MAN1A1: variants seen among roughly 807,000 people sequenced by gnomAD.
MAN1A1 encodes the protein mannosyl-oligosaccharide 1,2-alpha-mannosidase IA.
A neutral mutation model predicts 70.8 loss-of-function variants in MAN1A1; 29 were observed. The ratio of observed to expected loss-of-function variants is 0.41; its 90% CI spans 0.31 to 0.56. The LOEUF is 0.56. Among genes scored for constraint, MAN1A1 ranks in the 20% least tolerant of loss-of-function variants. The pLI is 0.29. For missense variants in MAN1A1, 747 were observed against 841.3 expected (o/e 0.89, Z 1.39); for synonymous variants, 349 against 330.1 (o/e 1.06, Z -0.62).
chr6:119,344,893 G>A (rs1353824095), intron 2 of MAN1A1, among the ~76,000 whole-genome samples: 1 of 152,130 alleles, frequency 6.6e-6, no homozygotes, highest in Non-Finnish European at 1.5e-5. Context: ...CTAAAGTCTT[G>A]TTTTAGAACT....
At chr6:119,237,400 C>T (rs1038835045) in intron 6 of MAN1A1, among the ~76,000 whole-genome samples, 2 of 152,112 alleles carry the variant, frequency 1.3e-5, no homozygotes, top group Non-Finnish European at 2.9e-5. Flanking sequence ...ATCCCTGGAC[C>T]ACACGGAACT....
At chr6:119,286,790 G>A (rs1393758581) in intron 5 of MAN1A1, among the ~76,000 whole-genome samples, 4 of 152,050 alleles carry the variant, frequency 2.6e-5, no homozygotes, top group African/African-American at 2.4e-5. Flanking sequence ...TCTAAATGTC[G>A]TCTCTTAGCT....
At chr6:119,226,028 T>G (rs4607463) in intron 6 of MAN1A1, among the ~76,000 whole-genome samples, 59,681 of 152,022 alleles carry the variant, frequency 0.39, 12,375 homozygotes, top group African/African-American at 0.47. Flanking sequence ...TATCTGAATT[T>G]TTTCGCAAAA....
At chr6:119,316,415 C>T (rs195049) in intron 2 of MAN1A1, among the ~76,000 whole-genome samples, 28,141 of 151,894 alleles carry the variant, frequency 0.19, 2,913 homozygotes, top group Middle Eastern at 0.31. Context: ...ATCTGCCCAC[C>T]TTGGCCTCCC....
chr6:119,185,629 T>G (rs1466731918), intron 11 of MAN1A1, among the ~76,000 whole-genome samples: 1 of 152,058 alleles, frequency 6.6e-6, no homozygotes, highest in Non-Finnish European at 1.5e-5. Context: ...CAGGTTCGAG[T>G]GCAGTGGCGT....
chr6:119,268,375 C>T (rs1011190376), intron 5 of MAN1A1, among the ~76,000 whole-genome samples: 1 of 152,108 alleles, frequency 6.6e-6, no homozygotes, highest in Admixed American at 6.5e-5. Context: ...ACACATCTTC[C>T]CAGTCTATGC....
intron 2 of MAN1A1, among the ~76,000 whole-genome samples, chr6:119,331,570 C>CATATATATATATATATATATATATAT (rs10562938): frequency 8.5e-6 from 1 of 117,972 alleles, no homozygotes; most frequent in Non-Finnish European, 1.8e-5. Flanking sequence ...ACATATTATG[C>CATATATATATATATATATATATATAT]ATATATATAT....
chr6:119,280,169 C>G (rs1388402158), intron 5 of MAN1A1, among the ~76,000 whole-genome samples: 1 of 152,188 alleles, frequency 6.6e-6, no homozygotes, highest in Non-Finnish European at 1.5e-5. Context: ...TCCATTCTTT[C>G]AATTATCATT....
At chr6:119,241,515 C>G (rs1438055324) in intron 6 of MAN1A1, among the ~76,000 whole-genome samples, 1 of 152,136 alleles carries the variant, frequency 6.6e-6, no homozygotes, top group Non-Finnish European at 1.5e-5. Flanking sequence ...TAGTAAATAC[C>G]TACAGAATCA....
At chr6:119,311,525 G>A (rs1163603512) in intron 2 of MAN1A1, among the ~76,000 whole-genome samples, 1 of 152,152 alleles carries the variant, frequency 6.6e-6, no homozygotes, top group Non-Finnish European at 1.5e-5. Context: ...CTGCTGTGTA[G>A]TGGGGGTTTG....
At chr6:119,196,624 A>G (rs916641209) in intron 8 of MAN1A1, among the ~76,000 whole-genome samples, 2 of 152,236 alleles carry the variant, frequency 1.3e-5, no homozygotes, top group African/African-American at 2.4e-5. Context: ...TCTTTTCTTC[A>G]TAAGAATAGG....
chr6:119,212,061 C>T (rs7743299), intron 6 of MAN1A1, among the ~76,000 whole-genome samples: 36,917 of 151,344 alleles, frequency 0.24, 5,982 homozygotes, highest in Non-Finnish European at 0.35. Context: ...AGGATGGTCT[C>T]GATCTCCCAA....
chr6:119,218,048 T>A (rs1266359837), intron 6 of MAN1A1, among the ~76,000 whole-genome samples: 1 of 152,212 alleles, frequency 6.6e-6, no homozygotes, highest in Non-Finnish European at 1.5e-5. Context: ...TCCTAATTTT[T>A]AAAAATTCTA....
chr6:119,218,768 ATGGCGTAC>A, intron 6 of MAN1A1, among the ~76,000 whole-genome samples: 1 of 152,328 alleles, frequency 6.6e-6, no homozygotes, highest in South Asian at 2.1e-4. Context: ...CCGCGCTGGG[ATGGCGTAC>A]TGGCCAGAGC....
intron 5 of MAN1A1, among the ~76,000 whole-genome samples, chr6:119,273,372 T>A (rs1003477406): frequency 5.3e-5 from 8 of 152,174 alleles, no homozygotes; most frequent in African/African-American, 1.9e-4. Context: ...GCTGAAATCA[T>A]ATCATACATG....
At chr6:119,347,529 A>G (rs138894661) in intron 2 of MAN1A1, among the ~76,000 whole-genome samples, 5 of 152,330 alleles carry the variant, frequency 3.3e-5, no homozygotes, top group Admixed American at 2.6e-4. Context: ...ACAGGGAAGT[A>G]GCTCAGAGAG....
At chr6:119,190,212 T>C (rs948104951) in intron 9 of MAN1A1, among the ~76,000 whole-genome samples, 1 of 152,208 alleles carries the variant, frequency 6.6e-6, no homozygotes, top group Non-Finnish European at 1.5e-5. Context: ...GTTGGTTTGG[T>C]ACATTTTCAT....
intron 6 of MAN1A1, among the ~76,000 whole-genome samples, chr6:119,241,934 G>A (rs1206700397): frequency 1.7e-5 from 2 of 118,080 alleles, no homozygotes; most frequent in African/African-American, 3.8e-5. Flanking sequence ...TTGTGTATGT[G>A]TGTGTGTGTA....
chr6:119,262,918 C>G (rs1397061645), intron 5 of MAN1A1, among the ~76,000 whole-genome samples: 1 of 152,168 alleles, frequency 6.6e-6, no homozygotes, highest in African/African-American at 2.4e-5. Flanking sequence ...ACGTTTGAAT[C>G]AGTGGGCTGG....
Sources: allele counts gnomAD v4.1 joint callset (sites outside exome capture counted in the v4.1 genomes callset), GRCh38; gene constraint gnomAD v4.1.1; transcripts MANE v1.5; gene names NCBI Gene and HGNC (gene_info 2026-07-23, HGNC 2026-07-21).